The following RGCC variants were observed in gnomAD, a reference collection of about 807,000 sequenced individuals.
RGCC encodes the protein regulator of cell cycle, also known as regulator of cell cycle RGCC.
In RGCC, 15 loss-of-function variants were observed where a neutral mutation model predicts 15.4. The ratio of observed to expected loss-of-function variants is 0.97; its 90% CI spans 0.65 to 1.50. RGCC has a LOEUF of 1.50. RGCC is among the 40% of genes most tolerant of loss of function. The pLI, the probability that RGCC is intolerant of heterozygous loss-of-function variation, is 0.00. For synonymous variants in RGCC, 81 were observed against 78.0 expected, an observed-to-expected ratio of 1.04 and a Z score of -0.20; for missense variants, 176 against 189.7, an observed-to-expected ratio of 0.93 and a Z score of 0.42.
chr13:41,465,087 T>A (rs2043840856), intron 2 of RGCC, among the ~76,000 whole-genome samples: 1 of 152,186 alleles, frequency 6.6e-6, no homozygotes, highest in Non-Finnish European at 1.5e-5. Context: ...ACTGGGCCTA[T>A]CTCTTGTCAC....
At chr13:41,461,141 A>C (rs1389336091) in intron 2 of RGCC, among the ~76,000 whole-genome samples, 2 of 152,210 alleles carry the variant, frequency 1.3e-5, no homozygotes, top group African/African-American at 4.8e-5. Flanking sequence ...CCAAAATAAC[A>C]ATTGCAGTAT....
chr13:41,470,561 T>A lies in RGCC; in HGVS notation c.*76T>A. On this transcript the variant is annotated 3_prime_UTR_variant, in exon 5 of 5. Coordinates refer to ENST00000379359, the MANE Select transcript of RGCC (RefSeq NM_014059.3). ...CCGAGGACCTGCTAAAATCAGCTACTAGAATCTGCTGCCAGAGGGGACAAA... is the reference window on the plus strand; with the variant it reads ...CCGAGGACCTGCTAAAATCAGCTACAAGAATCTGCTGCCAGAGGGGACAAA... The A allele has an allele frequency of 7.0e-7, 1 of 1,426,538 alleles. No homozygotes were observed. The highest frequency in any genetic ancestry group is 9.9e-7 in the Non-Finnish European group (1 of 1,009,378). 88.4% of individuals were successfully genotyped at this position (1,426,538 alleles called of 1,614,324 possible).
Position 41,470,608 on chromosome 13 carries a change from C to G in RGCC, c.*123C>G, listed in dbSNP as rs778379203. On this transcript the variant is annotated 3_prime_UTR_variant, in exon 5 of 5. Transcript: ENST00000379359. ...CAAAGACGTGCACTCAACCTTCTAC[C>G]AGGCCACTCTCAGGCTCACCTTAAA... 18 of 957,078 alleles carry G rather than the reference C, an allele frequency of 1.9e-5. No homozygotes were observed. The highest frequency in any genetic ancestry group is 2.7e-5 in the Non-Finnish European group (16 of 589,746). The allele number at this position is 957,078 out of a possible 1,614,324, so 59.3% of individuals were successfully genotyped here. A position where few individuals can be genotyped will look rare whatever the true frequency, so the allele number is the denominator to read the frequency against.
chr13:41,460,362 G>T (rs2051783926), intron 2 of RGCC, among the ~76,000 whole-genome samples: 1 of 152,188 alleles, frequency 6.6e-6, no homozygotes, highest in Admixed American at 6.5e-5. Context: ...TCTGTTTAAT[G>T]CTTTTCTATG....
chr13:41,463,966 G>C (rs534502412), intron 2 of RGCC: 1 of 152,808 alleles, frequency 6.5e-6, no homozygotes, highest in South Asian at 2.1e-4. Flanking sequence ...AGGAGTGTAC[G>C]TGGATGGAAA....
At position 41,457,604 on chromosome 13, in the gene RGCC, GACT is replaced by G. The variant is rs1383759733; in HGVS notation, c.-103_-101del. 6.2e-6 allele frequency: 9 copies of G among 1,461,062 alleles called. No individual in the cohort carries two copies. Among genetic ancestry groups the G allele is most frequent in the Admixed American group, 5.0e-5 (2 of 39,656 alleles). 90.5% of individuals were successfully genotyped at this position (1,461,062 alleles called of 1,614,324 possible). A position where few individuals can be genotyped will look rare whatever the true frequency, so the allele number is the denominator to read the frequency against. On this transcript the variant is annotated 5_prime_UTR_variant, in exon 1 of 5. Coordinates refer to ENST00000379359, the MANE Select transcript of RGCC (RefSeq NM_014059.3). This position sits in a 1 kb window ranked among gnomAD's most constrained non-coding sequence, Gnocchi z 4.9. ...CGCGGCTGGAGCGCAGCGCCGAAGGGACTGGCAGGGCTGAAGTGTGCGGGACAG... is the reference window on the plus strand; with the variant it reads ...CGCGGCTGGAGCGCAGCGCCGAAGGGGGCAGGGCTGAAGTGTGCGGGACAG...
intron 2 of RGCC, among the ~76,000 whole-genome samples, chr13:41,463,452 C>A (rs898388588): frequency 9.0e-6 from 1 of 110,664 alleles, no homozygotes; most frequent in Non-Finnish European, 1.7e-5. Context: ...CGAGCTGGGG[C>A]GTGAGCTAAT....
At chr13:41,463,082 C>G (rs1352971881) in intron 2 of RGCC, among the ~76,000 whole-genome samples, 1 of 152,148 alleles carries the variant, frequency 6.6e-6, no homozygotes, top group Admixed American at 6.5e-5. Context: ...AAACCACAGG[C>G]ATTATACACA....
At chr13:41,463,298 G>A (rs2043830722) in intron 2 of RGCC, among the ~76,000 whole-genome samples, 1 of 150,466 alleles carries the variant, frequency 6.6e-6, no homozygotes, top group Non-Finnish European at 1.5e-5. Flanking sequence ...CACAGGGTGC[G>A]CCTCAGCTGC....
At position 41,458,377 on chromosome 13, in the gene RGCC, G is replaced by C. The variant is rs761849918; in HGVS notation, c.142G>C (p.Glu48Gln). Residue 48 changes from glutamate to glutamine, a missense_variant, in exon 2 of 5, where the codon GAG (glutamate) becomes CAG (glutamine). Transcript: ENST00000379359. This position sits in a 1 kb window ranked among gnomAD's most constrained non-coding sequence, Gnocchi z 4.4. Reference protein sequence around the residue: ...VLADFASPFHERHFHYEEHLE... With the variant: ...VLADFASPFHQRHFHYEEHLE... ...GGCCGACTTCGCGTCGCCCTTCCAC[G>C]AGCGCCACTTCCACTACGAGGAGCA... is the stretch of plus-strand genomic sequence containing the variant. 51 of 1,597,884 alleles carry C rather than the reference G, an allele frequency of 3.2e-5. No individual in the cohort carries two copies. The South Asian group carries it at 5.6e-4, about 17-fold the overall frequency.
intron 2 of RGCC, among the ~76,000 whole-genome samples, chr13:41,464,549 G>C (rs1333295118): frequency 6.6e-6 from 1 of 152,156 alleles, no homozygotes; most frequent in Non-Finnish European, 1.5e-5. Context: ...AGTAGCAGGA[G>C]CACCACAAAG....
In RGCC at chr13:41,457,767, G is replaced by A; in HGVS notation, c.49+11G>A. ...CCGCCGCGGCCGCAGGTGAGTGCGG[G>A]GTCCGGGGTCCCCTTAAAGTCTCGG... On this transcript the variant is annotated intron_variant, in intron 1 of 4. Transcript: ENST00000379359. The surrounding 1 kb of genome is among the most constrained non-coding windows in gnomAD (Gnocchi z 4.9). The A allele has an allele frequency of 1.4e-6, 2 of 1,382,126 alleles. No individual in the cohort carries two copies. The highest frequency in any genetic ancestry group is 9.3e-7 in the Non-Finnish European group (1 of 1,072,340). 85.6% of individuals were successfully genotyped at this position (1,382,126 alleles called of 1,614,324 possible). A position where few individuals can be genotyped will look rare whatever the true frequency, so the allele number is the denominator to read the frequency against.
chr13:41,466,260 C>T (rs1271008494), intron 2 of RGCC, among the ~76,000 whole-genome samples: 1 of 147,142 alleles, frequency 6.8e-6, no homozygotes, highest in Non-Finnish European at 1.5e-5. Context: ...CACTCACACA[C>T]TCATGCACAC....
At chr13:41,470,029 T>G (rs1262351452) in intron 4 of RGCC, among the ~76,000 whole-genome samples, 1 of 152,328 alleles carries the variant, frequency 6.6e-6, no homozygotes, top group Admixed American at 6.5e-5. Context: ...GTGAGAAGTA[T>G]TTAATGCTAT....
chr13:41,466,758 A>G (rs1249341034), intron 2 of RGCC, 65 bp from the exon 3 acceptor site: 22 of 1,119,608 alleles, frequency 2.0e-5, no homozygotes, highest in Non-Finnish European at 2.2e-5. Flanking sequence ...TCAATAGACT[A>G]TAAAGTGCTA....
chr13:41,469,739 A>T (rs2043866787), intron 4 of RGCC, among the ~76,000 whole-genome samples: 1 of 152,170 alleles, frequency 6.6e-6, no homozygotes, highest in Non-Finnish European at 1.5e-5. Flanking sequence ...CTTATTTGGG[A>T]ATTACACTAA....
chr13:41,464,047 T>A (rs2043835346), intron 2 of RGCC: 1 of 152,332 alleles, frequency 6.6e-6, no homozygotes, highest in Non-Finnish European at 1.5e-5. Flanking sequence ...GCATGCCGGG[T>A]GGGTGGAGTG....
chr13:41,468,896 T>C, intron 4 of RGCC, 58 bp downstream of exon 4: 1 of 1,258,986 alleles, frequency 7.9e-7, no homozygotes, highest in South Asian at 1.2e-5. Flanking sequence ...ACACTTCTGA[T>C]AAAGTGTTGT....
rs774442064 is a variant in RGCC at position 41,468,868 on chromosome 13, A to G, written c.406+30A>G. ...GTACATGTCTGATATTAAAAACAAA[A>G]AAACAAAAAACTAACAGACACTTCT... On this transcript the variant is annotated intron_variant, in intron 4 of 4. Transcript: ENST00000379359. 4.1e-6 allele frequency: 6 copies of G among 1,471,658 alleles called. No homozygotes were observed. In the East Asian group the frequency reaches 1.4e-4, roughly 33 times the overall value. The allele number at this position is 1,471,658 out of a possible 1,614,324, so 91.2% of individuals were successfully genotyped here.
Sources: gnomAD v4.1 joint callset for allele counts (sites outside exome capture counted in the v4.1 genomes callset) on GRCh38, gnomAD v4.1.1 for gene constraint, Gnocchi (gnomAD v3.1) non-coding constraint, MANE v1.5 for transcripts, NCBI Gene and HGNC (gene_info 2026-07-23, HGNC 2026-07-21) for gene names.